The following SMARCC1 variants were observed in gnomAD, a reference collection of about 807,000 sequenced individuals.
SMARCC1 encodes the protein SWI/SNF complex subunit SMARCC1.
In SMARCC1, 43 loss-of-function variants were observed where a neutral mutation model predicts 147.4. The ratio of observed to expected loss-of-function variants is 0.29; its 90% CI spans 0.23 to 0.38. The LOEUF (loss-of-function observed/expected upper bound fraction) is 0.38, where lower values mean the gene tolerates loss of function less well. SMARCC1 is among the 10% of genes least tolerant of loss of function. The pLI, the probability that SMARCC1 is intolerant of heterozygous loss-of-function variation, is 1.00. For synonymous variants in SMARCC1, 495 were observed against 484.4 expected (o/e 1.02, Z -0.29); for missense variants, 1,119 against 1,381.1 (o/e 0.81, Z 3.01).
chr3:47,687,729 A>C (rs190929604), intron 13 of SMARCC1, among the ~76,000 whole-genome samples: 8 of 152,266 alleles, frequency 5.3e-5, no homozygotes, highest in Non-Finnish European at 1.0e-4. Context: ...TGGGCCTCTC[A>C]AAGAACTAGG....
At chr3:47,757,352 G>GCCAATAAATAAAGTTGCT (rs1349188294) in intron 2 of SMARCC1, among the ~76,000 whole-genome samples, 1 of 152,090 alleles carries the variant, frequency 6.6e-6, no homozygotes, top group African/African-American at 2.4e-5. Flanking sequence ...TAGCCAAGTG[G>GCCAATAAATAAAGTTGCT]CCAATAAATA....
Position 47,781,663 on chromosome 3 carries a change from G to T in SMARCC1, c.135C>A (p.Ser45Arg). The T allele has an allele frequency of 1.3e-6, 2 of 1,558,548 alleles. No individual in the cohort carries two copies. The highest frequency in any genetic ancestry group is 1.2e-5 in the South Asian group (1 of 85,762). ...DGGPATKFWE[S>R]PETVSQLDSV... The stretch of plus-strand genomic sequence containing the variant: ...AATCCAGCTGGGACACCGTCTCCGG[G>T]CTCTCCCAAAACTTGGTGGCCGGGC... Residue 45 changes from serine (S) to arginine (R), a missense_variant, in exon 1 of 28, where the codon AGC becomes AGA. Coordinates refer to ENST00000254480, the MANE Select transcript of SMARCC1 (RefSeq NM_003074.4).
chr3:47,692,592 G>T (rs1189736529), intron 12 of SMARCC1, among the ~76,000 whole-genome samples: 1 of 152,122 alleles, frequency 6.6e-6, no homozygotes, highest in East Asian at 1.9e-4. Context: ...TGCTCCAAGA[G>T]GGGGAGATCA....
intron 21 of SMARCC1, among the ~76,000 whole-genome samples, chr3:47,653,792 T>G (rs994488797): frequency 6.6e-6 from 1 of 152,174 alleles, no homozygotes; most frequent in African/African-American, 2.4e-5. Context: ...CCAAATTCTG[T>G]TGCTGCAATT....
chr3:47,640,558 T>C (rs1373346674), intron 21 of SMARCC1, among the ~76,000 whole-genome samples: 1 of 152,298 alleles, frequency 6.6e-6, no homozygotes, highest in South Asian at 2.1e-4. Flanking sequence ...AAGTCCTGAA[T>C]TGTCTTTACA....
intron 21 of SMARCC1, among the ~76,000 whole-genome samples, chr3:47,652,809 G>C (rs568905534): frequency 2.0e-5 from 3 of 151,976 alleles, no homozygotes; most frequent in Non-Finnish European, 2.9e-5. Context: ...AATAGTTCTT[G>C]GTGAGTGACC....
Position 47,719,666 on chromosome 3 carries a change from G to A in SMARCC1, c.716+1000C>T, listed in dbSNP as rs146253768. Among the ~76,000 whole-genome samples the A allele has an allele frequency of 3.7e-4, 56 of 152,174 alleles. No individual in the cohort carries two copies. The East Asian group carries it at 7.7e-3, about 21-fold the overall frequency. ...TGCAGTGAGTCGGGACTGTGCCACT[G>A]TAATCCAGCCTGGGCGACAAAGCGG... On this transcript the variant is annotated intron_variant, in intron 7 of 27. Coordinates refer to ENST00000254480, the MANE Select transcript of SMARCC1 (RefSeq NM_003074.4).
rs752379980 is a variant in SMARCC1 at position 47,710,767 on chromosome 3, T to C, written c.834A>G (p.Glu278=). The change falls in exon 9 of 28, where the codon GAA becomes GAG. Residue 278 remains glutamate (E), a synonymous_variant. Coordinates refer to ENST00000254480, the MANE Select transcript of SMARCC1 (RefSeq NM_003074.4). Reference sequence around the variant, plus strand: ...CCTCATAATCCTCCTCATTCATCCATTCATTGAAAATATCAGTGTCCAAAA... The same window carrying C: ...CCTCATAATCCTCCTCATTCATCCACTCATTGAAAATATCAGTGTCCAAAA... ...KWILDTDIFN[E]WMNEEDYEVD... 11 of 1,612,606 alleles carry C rather than the reference T, an allele frequency of 6.8e-6. No individual in the cohort carries two copies. The highest frequency in any genetic ancestry group is 9.3e-6 in the Non-Finnish European group (11 of 1,179,146).
chr3:47,781,525 C>G, intron 1 of SMARCC1, 78 bp downstream of exon 1: 6 of 1,064,520 alleles, frequency 5.6e-6, no homozygotes, highest in Non-Finnish European at 7.6e-6. Context: ...GGAGGGGCGG[C>G]CCGAGGCCCG....
At chr3:47,618,330 C>A (rs909244689) in intron 25 of SMARCC1, among the ~76,000 whole-genome samples, 2 of 151,068 alleles carry the variant, frequency 1.3e-5, no homozygotes, top group African/African-American at 4.9e-5. Context: ...CTGCTTGAGG[C>A]AAGGAGTTTG....
chr3:47,724,532 A>G (rs1175291859), intron 6 of SMARCC1, among the ~76,000 whole-genome samples: 1 of 152,208 alleles, frequency 6.6e-6, no homozygotes, highest in Non-Finnish European at 1.5e-5. Context: ...AATGTAGCCC[A>G]ACACAAATTC....
At chr3:47,764,780 C>T (rs546282053) in intron 2 of SMARCC1, among the ~76,000 whole-genome samples, 1 of 152,314 alleles carries the variant, frequency 6.6e-6, no homozygotes, top group East Asian at 1.9e-4. Flanking sequence ...TTTATCCACA[C>T]GTATGTGGCT....
Position 47,701,310 on chromosome 3 carries a change from G to A in SMARCC1, c.1133C>T (p.Pro378Leu), listed in dbSNP as rs1576415793. Residue 378 changes from proline to leucine, a missense_variant, in exon 11 of 28, where the codon CCC becomes CTC. Physicochemically the swap from Pro to Leu is moderately conservative, Grantham distance 98. Coordinates refer to ENST00000254480, the MANE Select transcript of SMARCC1 (RefSeq NM_003074.4). ...TKDMEDPTPV[P>L]NIEEVVLPKN... The stretch of plus-strand genomic sequence containing the variant: ...GGGAAGTACTACTTCTTCTATATTG[G>A]GTACAGGTGTTGGGTCTTCCATATC... 1 of 1,612,982 alleles carries A rather than the reference G, an allele frequency of 6.2e-7. No individual in the cohort carries two copies. Among genetic ancestry groups the A allele is most frequent in the Non-Finnish European group, 8.5e-7 (1 of 1,179,034 alleles).
intron 24 of SMARCC1, among the ~76,000 whole-genome samples, chr3:47,623,568 GATC>G (rs2032766360): frequency 6.6e-6 from 1 of 152,274 alleles, no homozygotes; most frequent in African/African-American, 2.4e-5. Context: ...AGCTATTAAT[GATC>G]ATGTCTGCCA....
rs554201859 is a variant in SMARCC1, at chr3:47,608,358, AT to A, written c.3043+1707del. ...CGCCTCGGCCTCCCAAAGTGCTGGA[AT>A]TACAGGCATGAACCATTGCGCCCGG... On this transcript the variant is annotated intron_variant, in intron 26 of 27. Coordinates refer to ENST00000254480, the MANE Select transcript of SMARCC1 (RefSeq NM_003074.4). Among the ~76,000 whole-genome samples the A allele has an allele frequency of 2.6e-5, 4 of 152,358 alleles. No homozygotes were observed. The South Asian group carries it at 8.3e-4, about 32-fold the overall frequency.
intron 21 of SMARCC1, among the ~76,000 whole-genome samples, chr3:47,642,641 G>A (rs1384705712): frequency 6.6e-6 from 1 of 152,016 alleles, no homozygotes; most frequent in African/African-American, 2.4e-5. Context: ...AGACCACAAT[G>A]AAATGTCATT....
chr3:47,691,571 A>G (rs774499354), intron 12 of SMARCC1, among the ~76,000 whole-genome samples: 3 of 152,046 alleles, frequency 2.0e-5, no homozygotes, highest in Admixed American at 6.6e-5. Context: ...CCAAGATCAC[A>G]CTATTGCACT....
In SMARCC1 at chr3:47,621,298, CAAAAA is replaced by C. The variant is rs1183934374; in HGVS notation, c.2781+904_2781+908del. Among the ~76,000 whole-genome samples the C allele has an allele frequency of 4.7e-5, 3 of 63,226 alleles. No individual in the cohort carries two copies. The South Asian group carries it at 1.8e-3, about 38-fold the overall frequency. The allele number at this position is 63,226 out of a possible 152,430, so 41.5% of individuals were successfully genotyped here. ...CTGGCAACAGGGCGAGACTCCGTCT[CAAAAA>C]AAAAAAAAAAAAAAAGAAAAGAAAT... On this transcript the variant is annotated intron_variant, in intron 25 of 27. Coordinates refer to ENST00000254480, the MANE Select transcript of SMARCC1 (RefSeq NM_003074.4).
chr3:47,585,427 C>T lies in SMARCC1; in HGVS notation c.*2782G>A, dbSNP rs1173333732. 3 of 152,200 alleles carry T rather than the reference C, an allele frequency of 2.0e-5. No homozygotes were observed. The highest frequency in any genetic ancestry group is 7.2e-5 in the African/African-American group (3 of 41,446). The allele number at this position is 152,200 out of a possible 1,614,324, so 9.4% of individuals were successfully genotyped here. On this transcript the variant is annotated 3_prime_UTR_variant, in exon 28 of 28. Coordinates refer to ENST00000254480, the MANE Select transcript of SMARCC1 (RefSeq NM_003074.4). Reference sequence around the variant, plus strand: ...TTCATCTCATGGCAGACACAGAATCCTCTTCTTTTGCTTCACTCGATTTAT... The same window carrying T: ...TTCATCTCATGGCAGACACAGAATCTTCTTCTTTTGCTTCACTCGATTTAT...
Sources: gnomAD v4.1 joint callset for allele counts (sites outside exome capture counted in the v4.1 genomes callset) on GRCh38, gnomAD v4.1.1 for gene constraint, MANE v1.5 for transcripts, NCBI Gene and HGNC (gene_info 2026-07-23, HGNC 2026-07-21) for gene names.